DSCAM: variants seen among roughly 807,000 people sequenced by gnomAD.
DSCAM encodes cell adhesion molecule DSCAM.
DSCAM carries 47 observed loss-of-function variants against 217.7 expected under a neutral mutation model. That is an observed-to-expected ratio of 0.22 (90% CI 0.17 to 0.28). The LOEUF is 0.28. Among genes scored for constraint, DSCAM ranks in the 10% least tolerant of loss-of-function variants. DSCAM has a pLI of 1.00. For synonymous variants in DSCAM, 1,056 were observed against 1,015.3 expected, an observed-to-expected ratio of 1.04 and a Z score of -0.76; for missense variants, 2,080 against 2,618.3, an observed-to-expected ratio of 0.79 and a Z score of 4.49.
intron 3 of DSCAM, among the ~76,000 whole-genome samples, chr21:40,522,378 C>T (rs1491002194): frequency 2.0e-5 from 3 of 152,172 alleles, no homozygotes. Flanking sequence ...TCATTTTGCT[C>T]AACAGGAAAG....
intron 27 of DSCAM, among the ~76,000 whole-genome samples, chr21:40,072,549 C>T (rs2410211): frequency 1 from 150,626 of 151,280 alleles, 74,990 homozygotes; most frequent in Middle Eastern, 1. Flanking sequence ...GGGGTTTCAC[C>T]ATGTTAGCCA....
intron 11 of DSCAM, among the ~76,000 whole-genome samples, chr21:40,207,277 T>C (rs1214189054): frequency 6.6e-6 from 1 of 152,240 alleles, no homozygotes; most frequent in Admixed American, 6.5e-5. Flanking sequence ...ATTCTTTCTA[T>C]AATTTCTTTA....
intron 1 of DSCAM, among the ~76,000 whole-genome samples, chr21:40,789,044 C>A (rs2091616949): frequency 6.6e-6 from 1 of 151,852 alleles, no homozygotes; most frequent in Admixed American, 6.6e-5. Flanking sequence ...ATTCATTATG[C>A]TTGGAAAAAA....
chr21:40,383,637 T>G (rs987090633), intron 3 of DSCAM: 1 of 152,186 alleles, frequency 6.6e-6, no homozygotes, highest in Non-Finnish European at 1.5e-5. Context: ...TTTTCTTTCT[T>G]TTCTTTTTTT....
chr21:40,545,057 G>A (rs141210882), intron 3 of DSCAM, among the ~76,000 whole-genome samples: 56 of 152,234 alleles, frequency 3.7e-4, no homozygotes, highest in African/African-American at 1.1e-3. Context: ...GAGGTGATTA[G>A]GTCATGAGGA....
At position 40,377,871 on chromosome 21, in the gene DSCAM, C is replaced by A. The variant is rs553958986; in HGVS notation, c.509-8626G>T. 7.2e-5 allele frequency among the ~76,000 whole-genome samples: 11 copies of A among 152,230 alleles called. No homozygotes were observed. The East Asian group carries it at 2.1e-3, about 29-fold the overall frequency. On this transcript the variant is annotated intron_variant, in intron 3 of 32. Coordinates refer to ENST00000400454, the MANE Select transcript of DSCAM (RefSeq NM_001389.5). ...GCTCCCTGCCTTCCTATTGCCATAG[C>A]CTTGAGTACATATACAACCTGTACA... is the stretch of plus-strand genomic sequence containing the variant.
intron 3 of DSCAM, among the ~76,000 whole-genome samples, chr21:40,566,418 A>T (rs1253283296): frequency 6.6e-6 from 1 of 152,214 alleles, no homozygotes; most frequent in Non-Finnish European, 1.5e-5. Flanking sequence ...TTGACCTTCA[A>T]CTGCACCTAA....
chr21:40,836,539 C>CATT, intron 1 of DSCAM, among the ~76,000 whole-genome samples: 2 of 152,186 alleles, frequency 1.3e-5, no homozygotes, highest in South Asian at 4.1e-4. Flanking sequence ...GAAGACCTAA[C>CATT]CCTGTATACA....
At chr21:40,067,374 A>C (rs1222496917) in intron 27 of DSCAM, among the ~76,000 whole-genome samples, 1 of 152,190 alleles carries the variant, frequency 6.6e-6, no homozygotes. Flanking sequence ...ATCCAGAAAG[A>C]TCTTGGGGTT....
At chr21:40,213,361 G>A (rs1231043946) in intron 11 of DSCAM, among the ~76,000 whole-genome samples, 1 of 152,108 alleles carries the variant, frequency 6.6e-6, no homozygotes, top group Non-Finnish European at 1.5e-5. Context: ...ACAGCCTCCT[G>A]CCTCCCTGTG....
intron 3 of DSCAM, among the ~76,000 whole-genome samples, chr21:40,417,803 CATG>C (rs1248831139): frequency 6.6e-6 from 1 of 152,036 alleles, no homozygotes; most frequent in African/African-American, 2.4e-5. Flanking sequence ...ACATAATAGA[CATG>C]AAGAAAGGAT....
chr21:40,573,790 T>A (rs1270607278), intron 3 of DSCAM, among the ~76,000 whole-genome samples: 2 of 152,104 alleles, frequency 1.3e-5, no homozygotes, highest in Non-Finnish European at 2.9e-5. Context: ...ATATCAGTAA[T>A]AAAAGTAGTA....
chr21:40,471,422 T>G (rs1246066729), intron 3 of DSCAM, among the ~76,000 whole-genome samples: 2 of 152,188 alleles, frequency 1.3e-5, no homozygotes, highest in Non-Finnish European at 1.5e-5. Flanking sequence ...AGATCTTAGG[T>G]GCAGCAATTT....
At chr21:40,507,047 G>A (rs2076215476) in intron 3 of DSCAM, among the ~76,000 whole-genome samples, 1 of 152,210 alleles carries the variant, frequency 6.6e-6, no homozygotes, top group African/African-American at 2.4e-5. Context: ...GGGAGGCCGA[G>A]GCAGGCAGAT....
At chr21:40,387,178 G>A (rs560908652) in intron 3 of DSCAM, among the ~76,000 whole-genome samples, 1 of 152,098 alleles carries the variant, frequency 6.6e-6, no homozygotes, top group Non-Finnish European at 1.5e-5. Context: ...AAAGGAAGAG[G>A]GGGGGTGAAT....
intron 3 of DSCAM, among the ~76,000 whole-genome samples, chr21:40,686,207 CCACA>C (rs758916251): frequency 7.9e-6 from 1 of 126,386 alleles, no homozygotes; most frequent in Non-Finnish European, 1.7e-5. Flanking sequence ...AGCACGTACT[CCACA>C]CACACACACA....
chr21:40,555,796 C>T (rs977629875), intron 3 of DSCAM, among the ~76,000 whole-genome samples: 2 of 152,052 alleles, frequency 1.3e-5, no homozygotes, highest in African/African-American at 4.8e-5. Flanking sequence ...CCATGCTTGG[C>T]TAATATTTTT....
At chr21:40,155,153 T>G (rs539230052) in intron 16 of DSCAM, among the ~76,000 whole-genome samples, 6 of 152,322 alleles carry the variant, frequency 3.9e-5, no homozygotes, top group South Asian at 2.1e-4. Flanking sequence ...TCACACCACC[T>G]GCTAACCACA....
At chr21:40,448,576 T>C (rs2075693754) in intron 3 of DSCAM, among the ~76,000 whole-genome samples, 1 of 152,088 alleles carries the variant, frequency 6.6e-6, no homozygotes. Context: ...TAATAAATAA[T>C]AATCAATCTA....
Sources: allele counts gnomAD v4.1 joint callset (sites outside exome capture counted in the v4.1 genomes callset), GRCh38; gene constraint gnomAD v4.1.1; transcripts MANE v1.5; gene names NCBI Gene and HGNC (gene_info 2026-07-23, HGNC 2026-07-21).